NALF1: variants seen among roughly 807,000 people sequenced by gnomAD.
NALF1 encodes family with sequence similarity 155 member A.
Under a neutral mutation model 48.4 loss-of-function variants are expected in NALF1, and 3 were observed. The ratio of observed to expected loss-of-function variants is 0.06; its 90% CI spans 0.03 to 0.16. NALF1 has a LOEUF of 0.16. NALF1 is among the 10% of genes least tolerant of loss of function. NALF1 has a pLI of 1.00. For missense variants in NALF1, 526 were observed against 571.5 expected (o/e 0.92, Z 0.81); for synonymous variants, 262 against 245.7 (o/e 1.07, Z -0.62).
chr13:107,837,960 A>C (rs1879945513), intron 1 of NALF1, among the ~76,000 whole-genome samples: 1 of 152,118 alleles, frequency 6.6e-6, no homozygotes, highest in Admixed American at 6.5e-5. Context: ...TAGAACCATA[A>C]GGCTTCAGAA....
chr13:107,781,421 A>C (rs978315388), intron 1 of NALF1, among the ~76,000 whole-genome samples: 6 of 152,116 alleles, frequency 3.9e-5, no homozygotes, highest in Admixed American at 2.6e-4. Context: ...AATCTGATCT[A>C]CATTTTGGAT....
At chr13:107,575,734 T>C (rs1293856438) in intron 1 of NALF1, among the ~76,000 whole-genome samples, 2 of 151,982 alleles carry the variant, frequency 1.3e-5, no homozygotes, top group African/African-American at 2.4e-5. Flanking sequence ...TGGGAGAGGG[T>C]GTGTGAAAAA....
intron 1 of NALF1, among the ~76,000 whole-genome samples, chr13:107,459,178 C>G (rs1404556423): frequency 6.6e-6 from 1 of 152,096 alleles, no homozygotes; most frequent in Non-Finnish European, 1.5e-5. Context: ...GAGCTGGTAT[C>G]CAGTTCCAAA....
intron 1 of NALF1, among the ~76,000 whole-genome samples, chr13:107,625,130 C>G (rs1879632928): frequency 6.6e-6 from 1 of 152,090 alleles, no homozygotes; most frequent in African/African-American, 2.4e-5. Flanking sequence ...ACCACTTTTT[C>G]TTGCCTTTAA....
At chr13:107,448,103 G>A (rs888287144) in intron 1 of NALF1, among the ~76,000 whole-genome samples, 15 of 151,922 alleles carry the variant, frequency 9.9e-5, no homozygotes, top group Non-Finnish European at 8.8e-5. Flanking sequence ...TCATTAGCCC[G>A]AGCCCCTGCC....
chr13:107,573,355 A>G (rs538773278), intron 1 of NALF1, among the ~76,000 whole-genome samples: 8 of 152,084 alleles, frequency 5.3e-5, no homozygotes, highest in African/African-American at 1.9e-4. Flanking sequence ...GCTAAGGTAT[A>G]GAGCAGTAAA....
intron 1 of NALF1, among the ~76,000 whole-genome samples, chr13:107,355,220 C>G (rs1431625747): frequency 6.6e-6 from 1 of 152,114 alleles, no homozygotes; most frequent in Non-Finnish European, 1.5e-5. Flanking sequence ...CCCAACGTTA[C>G]AATTTGTCAT....
intron 1 of NALF1, among the ~76,000 whole-genome samples, chr13:107,312,270 T>C (rs1238092895): frequency 2.0e-5 from 3 of 152,100 alleles, no homozygotes; most frequent in African/African-American, 7.2e-5. Flanking sequence ...ATGTCCTTTG[T>C]AGGGACATGG....
chr13:107,524,271 A>C (rs968089901), intron 1 of NALF1, among the ~76,000 whole-genome samples: 12 of 152,134 alleles, frequency 7.9e-5, no homozygotes, highest in Non-Finnish European at 1.5e-4. Flanking sequence ...ATGTTGGAAA[A>C]GTCAAGTGGA....
chr13:107,595,651 T>C (rs1878724372), intron 1 of NALF1, among the ~76,000 whole-genome samples: 1 of 152,176 alleles, frequency 6.6e-6, no homozygotes, highest in Non-Finnish European at 1.5e-5. Context: ...TAATTGCTTT[T>C]TAAGAAGATA....
At position 107,663,580 on chromosome 13, in the gene NALF1, A is replaced by G. The variant is rs575315381; in HGVS notation, c.915+202102T>C. On this transcript the variant is annotated intron_variant, in intron 1 of 2. Coordinates refer to ENST00000375915, the MANE Select transcript of NALF1 (RefSeq NM_001080396.3). ...TTGTTTTTCGTGTGTGGATTTTAATATCTCATACCACAGTTAAACCATAAT... is the reference window on the plus strand; with the variant it reads ...TTGTTTTTCGTGTGTGGATTTTAATGTCTCATACCACAGTTAAACCATAAT... 3.3e-5 allele frequency among the ~76,000 whole-genome samples: 5 copies of G among 152,312 alleles called. No individual in the cohort carries two copies. In the East Asian group the frequency reaches 9.7e-4, roughly 29 times the overall value.
intron 1 of NALF1, among the ~76,000 whole-genome samples, chr13:107,455,685 C>T (rs1272408760): frequency 1.3e-5 from 2 of 152,144 alleles, no homozygotes; most frequent in Non-Finnish European, 2.9e-5. Flanking sequence ...CCCTGTTCTC[C>T]ACCTGTTTAT....
chr13:107,591,129 T>C (rs939992414), intron 1 of NALF1, among the ~76,000 whole-genome samples: 2 of 151,924 alleles, frequency 1.3e-5, no homozygotes, highest in Admixed American at 1.3e-4. Context: ...AGAGTAACAA[T>C]AGAATTCCCA....
At chr13:107,264,429 C>T (rs73583196) in intron 1 of NALF1, among the ~76,000 whole-genome samples, 13,631 of 152,166 alleles carry the variant, frequency 0.09, 665 homozygotes, top group East Asian at 0.13. Context: ...ATAGCTACTG[C>T]TATTGTGTAA....
At chr13:107,703,292 T>G (rs1166700594) in intron 1 of NALF1, among the ~76,000 whole-genome samples, 1 of 152,146 alleles carries the variant, frequency 6.6e-6, no homozygotes, top group African/African-American at 2.4e-5. Context: ...ATCCAAATAA[T>G]ATGTTTCTTC....
intron 2 of NALF1, among the ~76,000 whole-genome samples, chr13:107,190,412 C>A (rs552952329): frequency 7.9e-4 from 120 of 152,286 alleles, no homozygotes; most frequent in African/African-American, 2.8e-3. Flanking sequence ...GGCTTCAAGG[C>A]ATGTAAACAC....
intron 1 of NALF1, among the ~76,000 whole-genome samples, chr13:107,638,187 T>TATATATATACATACA (rs1880037753): frequency 1.9e-5 from 1 of 53,090 alleles, no homozygotes; most frequent in African/African-American, 4.4e-5. Context: ...ATATAAAGAT[T>TATATATATACATACA]TATATATATA....
intron 1 of NALF1, among the ~76,000 whole-genome samples, chr13:107,546,187 A>C (rs902936080): frequency 6.6e-6 from 1 of 152,120 alleles, no homozygotes; most frequent in Non-Finnish European, 1.5e-5. Context: ...AACAAAGCCC[A>C]TTGCGATTTA....
chr13:107,724,304 C>T (rs1209352987), intron 1 of NALF1, among the ~76,000 whole-genome samples: 2 of 151,780 alleles, frequency 1.3e-5, no homozygotes, highest in South Asian at 2.1e-4. Flanking sequence ...ACAATGTTAA[C>T]TCATATTGCT....
Sources: gnomAD v4.1 joint callset for allele counts (sites outside exome capture counted in the v4.1 genomes callset) on GRCh38, gnomAD v4.1.1 for gene constraint, MANE v1.5 for transcripts, NCBI Gene and HGNC (gene_info 2026-07-23, HGNC 2026-07-21) for gene names.